The following PDSS2 variants were observed in gnomAD, a reference collection of about 807,000 sequenced individuals.
The protein encoded by PDSS2 is decaprenyl diphosphate synthase subunit 2.
In PDSS2, 31 loss-of-function variants were observed where a neutral mutation model predicts 44.5. That is an observed-to-expected ratio of 0.70 (90% CI 0.52 to 0.94). The LOEUF (loss-of-function observed/expected upper bound fraction) is 0.94. PDSS2 is among the 40% of genes least tolerant of loss of function. The pLI, the probability that PDSS2 is intolerant of heterozygous loss-of-function variation, is 0.00. For synonymous variants in PDSS2, 157 were observed against 180.3 expected, an observed-to-expected ratio of 0.87 and a Z score of 1.03; for missense variants, 452 against 482.2, an observed-to-expected ratio of 0.94 and a Z score of 0.59.
chr6:107,365,105 T>TA (rs1037447701), intron 1 of PDSS2, among the ~76,000 whole-genome samples: 179 of 152,126 alleles, frequency 1.2e-3, no homozygotes, highest in Non-Finnish European at 2.1e-3. Context: ...TGGGTAAATG[T>TA]AAAAAAAATC....
chr6:107,161,105 G>A (rs1312479467), intron 7 of PDSS2, among the ~76,000 whole-genome samples: 2 of 150,454 alleles, frequency 1.3e-5, no homozygotes, highest in African/African-American at 4.9e-5. Flanking sequence ...AAACTCCTGA[G>A]CTCAAGTGAT....
chr6:107,285,260 GA>G (rs1341868793), intron 2 of PDSS2, among the ~76,000 whole-genome samples: 1 of 152,044 alleles, frequency 6.6e-6, no homozygotes, highest in Non-Finnish European at 1.5e-5. Context: ...GAATAAATTT[GA>G]AAATTACAAA....
At chr6:107,186,639 G>A (rs761224675) in intron 7 of PDSS2, among the ~76,000 whole-genome samples, 14 of 151,946 alleles carry the variant, frequency 9.2e-5, no homozygotes, top group African/African-American at 1.7e-4. Context: ...GCCCTGGTGT[G>A]TGTTGTTCCC....
At chr6:107,302,901 C>T (rs1776742825) in intron 2 of PDSS2, among the ~76,000 whole-genome samples, 2 of 150,580 alleles carry the variant, frequency 1.3e-5, no homozygotes, top group African/African-American at 2.4e-5. Context: ...ACACTGATTA[C>T]ATGTTAAAAT....
chr6:107,271,430 G>A (rs922789237), intron 3 of PDSS2, among the ~76,000 whole-genome samples: 3 of 152,170 alleles, frequency 2.0e-5, no homozygotes, highest in African/African-American at 2.4e-5. Flanking sequence ...TAGCAGAGCT[G>A]ATCAGCCTTG....
At chr6:107,285,889 C>T (rs978787606) in intron 2 of PDSS2, among the ~76,000 whole-genome samples, 1 of 152,122 alleles carries the variant, frequency 6.6e-6, no homozygotes, top group Non-Finnish European at 1.5e-5. Flanking sequence ...CCTGTAATCC[C>T]AGTACTTTGG....
intron 1 of PDSS2, among the ~76,000 whole-genome samples, chr6:107,341,184 A>G (rs1778067294): frequency 6.6e-6 from 1 of 152,034 alleles, no homozygotes; most frequent in African/African-American, 2.4e-5. Context: ...GGCAATAGGG[A>G]TGGGGAAGAA....
At position 107,365,745 on chromosome 6, in the gene PDSS2, T is replaced by C. The variant is rs140045844; in HGVS notation, c.297-31413A>G. Among the ~76,000 whole-genome samples the C allele has an allele frequency of 8.5e-5, 13 of 152,270 alleles. No individual in the cohort carries two copies. The East Asian group carries it at 2.5e-3, about 29-fold the overall frequency. On this transcript the variant is annotated intron_variant, in intron 1 of 7. Coordinates refer to ENST00000369037, the MANE Select transcript of PDSS2 (RefSeq NM_020381.4). The stretch of plus-strand genomic sequence containing the variant: ...ATGGCTATATTAATGTCAGACTAAA[T>C]AGACACTTAGATAAGAAATATTACT...
intron 1 of PDSS2, among the ~76,000 whole-genome samples, chr6:107,422,805 T>C (rs1780867900): frequency 6.6e-6 from 1 of 152,096 alleles, no homozygotes; most frequent in Non-Finnish European, 1.5e-5. Flanking sequence ...TTTCGTTATA[T>C]ATTTCTGTAT....
At chr6:107,285,971 C>T (rs950321946) in intron 2 of PDSS2, among the ~76,000 whole-genome samples, 1 of 151,782 alleles carries the variant, frequency 6.6e-6, no homozygotes, top group South Asian at 2.1e-4. Flanking sequence ...AAAACCCCGT[C>T]CCTACTAAAA....
At chr6:107,175,391 T>C (rs1319293015) in intron 7 of PDSS2, among the ~76,000 whole-genome samples, 4 of 152,106 alleles carry the variant, frequency 2.6e-5, no homozygotes, top group African/African-American at 9.7e-5. Flanking sequence ...AGTGCTGGAG[T>C]CAAGATGAGT....
chr6:107,232,874 C>A (rs748531131), intron 4 of PDSS2, among the ~76,000 whole-genome samples: 3 of 151,788 alleles, frequency 2.0e-5, no homozygotes, highest in African/African-American at 7.3e-5. Context: ...GGGTCTTGCT[C>A]TGTCACCCAG....
chr6:107,379,936 T>C (rs757238630), intron 1 of PDSS2, among the ~76,000 whole-genome samples: 34 of 152,120 alleles, frequency 2.2e-4, no homozygotes, highest in Non-Finnish European at 3.1e-4. Flanking sequence ...TTTTCTGCTA[T>C]ATTTTCTTTC....
At chr6:107,453,375 TA>T (rs950405890) in intron 1 of PDSS2, among the ~76,000 whole-genome samples, 7 of 152,200 alleles carry the variant, frequency 4.6e-5, no homozygotes, top group African/African-American at 1.7e-4. Context: ...CATTGATTTT[TA>T]AAAAATACTG....
intron 1 of PDSS2, among the ~76,000 whole-genome samples, chr6:107,432,932 C>T (rs920221712): frequency 6.6e-6 from 1 of 152,126 alleles, no homozygotes; most frequent in African/African-American, 2.4e-5. Flanking sequence ...CTTCCCTCCC[C>T]TCTACCTTTC....
At chr6:107,328,726 A>G (rs759914751) in intron 2 of PDSS2, among the ~76,000 whole-genome samples, 22 of 152,198 alleles carry the variant, frequency 1.4e-4, no homozygotes, top group Non-Finnish European at 2.9e-4. Flanking sequence ...AATGACTGGG[A>G]AACAATATCT....
At chr6:107,427,781 A>G (rs1052301056) in intron 1 of PDSS2, among the ~76,000 whole-genome samples, 1 of 152,202 alleles carries the variant, frequency 6.6e-6, no homozygotes, top group African/African-American at 2.4e-5. Flanking sequence ...TTTGTAATGC[A>G]TATGAGTATT....
intron 1 of PDSS2, among the ~76,000 whole-genome samples, chr6:107,336,260 A>G (rs1283794310): frequency 2.7e-5 from 4 of 147,884 alleles, no homozygotes; most frequent in South Asian, 4.2e-4. Flanking sequence ...CGTCTCAGAA[A>G]AAAAAAAAAA....
intron 7 of PDSS2, among the ~76,000 whole-genome samples, chr6:107,188,287 G>T (rs915694501): frequency 6.6e-6 from 1 of 152,022 alleles, no homozygotes; most frequent in African/African-American, 2.4e-5. Flanking sequence ...GCTGAGGCTG[G>T]AGAATCACTT....
Sources: gnomAD v4.1 joint callset for allele counts (sites outside exome capture counted in the v4.1 genomes callset) on GRCh38, gnomAD v4.1.1 for gene constraint, MANE v1.5 for transcripts, NCBI Gene and HGNC (gene_info 2026-07-23, HGNC 2026-07-21) for gene names.